The following VEZT variants were observed in gnomAD, a reference collection of about 807,000 sequenced individuals.
The protein encoded by VEZT is vezatin, adherens junctions transmembrane protein.
VEZT carries 39 observed loss-of-function variants against 79.9 expected under a neutral mutation model. That is an observed-to-expected ratio of 0.49 (90% CI 0.38 to 0.64). The LOEUF is 0.64. VEZT is among the 30% of genes least tolerant of loss of function. The probability of loss-of-function intolerance (pLI) is 0.00; values close to 1 mark genes in which losing one functional copy is unlikely to be tolerated. For synonymous variants in VEZT, 325 were observed against 327.6 expected (o/e 0.99, Z 0.09); for missense variants, 837 against 893.1 (o/e 0.94, Z 0.80).
chr12:95,236,116 A>AC, intron 1 of VEZT, among the ~76,000 whole-genome samples: 1 of 152,112 alleles, frequency 6.6e-6, no homozygotes, highest in Admixed American at 6.5e-5. Flanking sequence ...ACGCCACTGC[A>AC]CTCCAGCCTG....
intron 7 of VEZT, among the ~76,000 whole-genome samples, chr12:95,280,665 T>A (rs973063611): frequency 6.6e-6 from 1 of 152,188 alleles, no homozygotes; most frequent in Non-Finnish European, 1.5e-5. Context: ...ACTTGTAAAT[T>A]ATTATCTGTG....
intron 7 of VEZT, chr12:95,275,693 G>A (rs1308135959): frequency 6.7e-6 from 1 of 149,746 alleles, no homozygotes; most frequent in Non-Finnish European, 1.5e-5. Context: ...TTTTTATGCA[G>A]AGCACTCTAA....
intron 1 of VEZT, among the ~76,000 whole-genome samples, chr12:95,225,811 GGAAGA>G (rs2058390085): frequency 6.8e-6 from 1 of 147,908 alleles, no homozygotes; most frequent in Non-Finnish European, 1.5e-5. Context: ...AAGGATGGAG[GGAAGA>G]GAAGGAATGA....
chr12:95,251,147 A>C (rs567151307), intron 1 of VEZT, among the ~76,000 whole-genome samples: 2 of 152,206 alleles, frequency 1.3e-5, no homozygotes, highest in Admixed American at 1.3e-4. Context: ...AGTAGATGGG[A>C]TTACAGGCAC....
chr12:95,298,021 G>A (rs2074524132), intron 11 of VEZT, among the ~76,000 whole-genome samples: 1 of 152,092 alleles, frequency 6.6e-6, no homozygotes, highest in Non-Finnish European at 1.5e-5. Context: ...TCTGGAGGCT[G>A]AGGCAGGAGA....
intron 1 of VEZT, among the ~76,000 whole-genome samples, chr12:95,250,749 T>A (rs553027264): frequency 5.4e-5 from 8 of 149,032 alleles, no homozygotes; most frequent in Non-Finnish European, 9.0e-5. Context: ...TTGGGGTGAT[T>A]TTTTTTTTTT....
intron 5 of VEZT, among the ~76,000 whole-genome samples, chr12:95,269,235 G>A (rs1046782483): frequency 6.6e-6 from 1 of 152,184 alleles, no homozygotes; most frequent in African/African-American, 2.4e-5. Flanking sequence ...CATATATACT[G>A]TAAGTTATGA....
rs939729839 is a variant in VEZT at position 95,269,828 on chromosome 12, CT to C, written c.711-215del. On this transcript the variant is annotated intron_variant, in intron 5 of 11. Coordinates refer to ENST00000436874, the MANE Select transcript of VEZT (RefSeq NM_017599.4). ...GCTCTTTGAGATGTTAATTTTTTGTCTTTTTTTTAGTGGTTGTCTATATATA... is the reference window on the plus strand; with the variant it reads ...GCTCTTTGAGATGTTAATTTTTTGTCTTTTTTTAGTGGTTGTCTATATATA... 1.4e-4 allele frequency: 55 copies of C among 379,558 alleles called. 1 individual carries two copies. The highest frequency in any genetic ancestry group is 5.1e-4 in the South Asian group (8 of 15,560). The allele number at this position is 379,558 out of a possible 1,614,324, so 23.5% of individuals were successfully genotyped here.
At chr12:95,245,390 C>A in intron 1 of VEZT, 1 of 401,676 alleles carries the variant, frequency 2.5e-6, no homozygotes, top group Non-Finnish European at 4.9e-6. Context: ...CAGAGCATAC[C>A]TAGAAAGTAC....
chr12:95,231,665 G>A (rs1223908807), intron 1 of VEZT: 1 of 151,994 alleles, frequency 6.6e-6, no homozygotes, highest in Non-Finnish European at 1.5e-5. Context: ...TGGGGCTTTG[G>A]TATATTAATT....
intron 7 of VEZT, among the ~76,000 whole-genome samples, chr12:95,275,255 C>T (rs780766500): frequency 2.6e-5 from 4 of 151,566 alleles, no homozygotes; most frequent in Non-Finnish European, 5.9e-5. Context: ...GTTTTTTTTT[C>T]ATACATCAAA....
intron 10 of VEZT, 54 bp downstream of exon 10, chr12:95,294,426 C>T (rs2073700632): frequency 3.7e-6 from 5 of 1,358,888 alleles, no homozygotes; most frequent in Non-Finnish European, 5.1e-6. Context: ...TTCTAATGAG[C>T]TTCAAAATTA....
chr12:95,287,803 G>C lies in VEZT; in HGVS notation c.1468G>C (p.Glu490Gln). ...CGTTCAAGCAAGCAACAATTGCTGGGAAGAGGCCATTTCTCAGGTCGACAA... is the reference window on the plus strand; with the variant it reads ...CGTTCAAGCAAGCAACAATTGCTGGCAAGAGGCCATTTCTCAGGTCGACAA... ...PHVQASNNCW[E>Q]EAISQVDKLL... Residue 490 changes from glutamate (E) to glutamine (Q), a missense_variant, in exon 9 of 12, where the codon GAA becomes CAA. By Grantham distance (29) the Glu-to-Gln change is conservative. Transcript: ENST00000436874. 6.2e-7 allele frequency: 1 copy of C among 1,608,262 alleles called. No homozygotes were observed. The highest frequency in any genetic ancestry group is 1.7e-5 in the Admixed American group (1 of 59,402).
At chr12:95,253,276 A>G (rs1046940007) in intron 2 of VEZT, among the ~76,000 whole-genome samples, 3 of 152,226 alleles carry the variant, frequency 2.0e-5, no homozygotes, top group African/African-American at 7.2e-5. Flanking sequence ...CAGGGAAAGT[A>G]TGGATTGGCA....
At chr12:95,219,213 G>T (rs926032540) in intron 1 of VEZT, among the ~76,000 whole-genome samples, 1 of 152,094 alleles carries the variant, frequency 6.6e-6, no homozygotes, top group Non-Finnish European at 1.5e-5. Context: ...TAACTGATGG[G>T]TGTATTTTTT....
intron 2 of VEZT, among the ~76,000 whole-genome samples, chr12:95,252,921 T>C (rs1338858494): frequency 6.6e-6 from 1 of 152,070 alleles, no homozygotes; most frequent in Non-Finnish European, 1.5e-5. Flanking sequence ...ACCAAGATTG[T>C]GCCATTGCAC....
At chr12:95,262,842 G>A (rs1425089562) in intron 3 of VEZT, 64 bp from the exon 4 acceptor site, 2 of 1,371,480 alleles carry the variant, frequency 1.5e-6, no homozygotes, top group African/African-American at 2.9e-5. Context: ...TACATTAGGA[G>A]CTTAGCGTTT....
intron 9 of VEZT, among the ~76,000 whole-genome samples, chr12:95,290,353 G>A: frequency 6.6e-6 from 1 of 152,092 alleles, no homozygotes; most frequent in East Asian, 1.9e-4. Flanking sequence ...TCACACAAAA[G>A]CCTATACATA....
chr12:95,253,925 C>T (rs181337062), intron 2 of VEZT, among the ~76,000 whole-genome samples: 2 of 152,126 alleles, frequency 1.3e-5, no homozygotes, highest in East Asian at 3.9e-4. Context: ...CATAGCAAGA[C>T]CCCATCTCAA....
Sources: gnomAD v4.1 joint callset for allele counts (sites outside exome capture counted in the v4.1 genomes callset) on GRCh38, gnomAD v4.1.1 for gene constraint, MANE v1.5 for transcripts, NCBI Gene and HGNC (gene_info 2026-07-23, HGNC 2026-07-21) for gene names.